NME9: variants seen among roughly 807,000 people sequenced by gnomAD.
NME9 encodes the protein NME/NM23 family member 9.
Under a neutral mutation model 44.4 loss-of-function variants are expected in NME9, and 48 were observed. The ratio of observed to expected loss-of-function variants is 1.08; its 90% CI spans 0.86 to 1.37. The LOEUF (loss-of-function observed/expected upper bound fraction) is 1.37. NME9 is among the 40% of genes most tolerant of loss of function. NME9 has a pLI of 0.00. For missense variants in NME9, 325 were observed against 405.2 expected, an observed-to-expected ratio of 0.80 and a Z score of 1.70; for synonymous variants, 139 against 147.1, an observed-to-expected ratio of 0.94 and a Z score of 0.40.
intron 8 of NME9, among the ~76,000 whole-genome samples, chr3:138,279,369 G>A (rs2049644451): frequency 6.6e-6 from 1 of 151,928 alleles, no homozygotes; most frequent in Admixed American, 6.5e-5. Context: ...AGTTTCAAAT[G>A]TTAAACTAAC....
At chr3:138,290,773 A>C (rs1427935372) in intron 8 of NME9, 2 of 645,492 alleles carry the variant, frequency 3.1e-6, no homozygotes, top group African/African-American at 3.7e-5. Context: ...ATAATTTTCT[A>C]TGAGCCACTG....
intron 8 of NME9, among the ~76,000 whole-genome samples, chr3:138,271,798 C>CTTTCTTTTTTTTT (rs1018824241): frequency 7.3e-6 from 1 of 136,134 alleles, no homozygotes; most frequent in African/African-American, 2.8e-5. Flanking sequence ...TTTTTTCTTT[C>CTTTCTTTTTTTTT]TTTTTTTTTT....
chr3:138,323,588 G>A (rs190208646), intron 2 of NME9, among the ~76,000 whole-genome samples: 1 of 152,156 alleles, frequency 6.6e-6, no homozygotes, highest in African/African-American at 2.4e-5. Flanking sequence ...GGTTCCAGAA[G>A]GATTTCATAT....
intron 3 of NME9, 26 bp from the exon 4 acceptor site, chr3:138,318,245 A>G: frequency 1.3e-6 from 2 of 1,521,318 alleles, no homozygotes; most frequent in Non-Finnish European, 1.8e-6. Context: ...ATCAGCAGGT[A>G]CCCTGGATGC....
chr3:138,278,528 T>G (rs2049539364), intron 8 of NME9, among the ~76,000 whole-genome samples: 1 of 152,108 alleles, frequency 6.6e-6, no homozygotes, highest in African/African-American at 2.4e-5. Context: ...TCTATACATT[T>G]GGTAAATAAA....
chr3:138,284,552 A>G, intron 8 of NME9: 1 of 1,516,498 alleles, frequency 6.6e-7, no homozygotes, highest in South Asian at 1.1e-5. Context: ...CTTTCACCGT[A>G]GGATTAGAAT....
At chr3:138,317,945 G>A (rs570208090) in intron 4 of NME9, among the ~76,000 whole-genome samples, 2 of 152,258 alleles carry the variant, frequency 1.3e-5, no homozygotes, top group African/African-American at 4.8e-5. Flanking sequence ...GTTAGACTTG[G>A]GGGTGGGGGT....
chr3:138,299,250 A>G (rs1008026597), downstream of NME9, among the ~76,000 whole-genome samples: 3 of 152,072 alleles, frequency 2.0e-5, no homozygotes, highest in Non-Finnish European at 4.4e-5. Context: ...TGAGTGGACT[A>G]CTAAGCCACC....
chr3:138,301,043 T>C lies in NME9; in HGVS notation c.*597A>G. ...TTATTGTTGGGGAAACACCATCTCA[T>C]ATAACCCAGTATCCTCTGAGATGAC... On this transcript the variant is annotated 3_prime_UTR_variant, in exon 11 of 11. Coordinates refer to ENST00000333911, the MANE Select transcript of NME9 (RefSeq NM_001349018.2). The C allele has an allele frequency of 1.0e-6, 1 of 973,560 alleles. No individual in the cohort carries two copies. 60.3% of individuals were successfully genotyped at this position (973,560 alleles called of 1,614,324 possible). A position where few individuals can be genotyped will look rare whatever the true frequency, so the allele number is the denominator to read the frequency against.
Position 138,319,535 on chromosome 3 carries a change from C to T in NME9, c.138G>A (p.Val46=). Residue 46 remains valine (V), a synonymous_variant, in exon 3 of 11, where the codon GTG becomes GTA. Transcript: ENST00000333911. The stretch of plus-strand genomic sequence containing the variant: ...CGATCCTCATCTTCTGGAAGAGGCT[C>T]ACCACAGGTTTGCAGGGGCCACACC... ...QGWCGPCKPV[V]SLFQKMRIEV... is the part of the protein sequence containing the mutation. 3.7e-6 allele frequency: 6 copies of T among 1,613,768 alleles called. No homozygotes were observed. Among genetic ancestry groups the T allele is most frequent in the Non-Finnish European group, 5.1e-6 (6 of 1,179,718 alleles).
At chr3:138,269,975 A>G (rs570298125) in intron 8 of NME9, 2 of 1,072,260 alleles carry the variant, frequency 1.9e-6, no homozygotes, top group African/African-American at 1.6e-5. Context: ...GCCAAGGTAT[A>G]TGCATGTTTA....
chr3:138,326,385 C>T (rs1560139289), intron 1 of NME9, among the ~76,000 whole-genome samples: 1 of 152,144 alleles, frequency 6.6e-6, no homozygotes, highest in African/African-American at 2.4e-5. Flanking sequence ...TTGTGGTGAG[C>T]TACTTTGAAA....
chr3:138,301,002 A>G lies in NME9; in HGVS notation c.*638T>C. The G allele has an allele frequency of 2.1e-6, 2 of 953,104 alleles. No individual in the cohort carries two copies. Among genetic ancestry groups the G allele is most frequent in the Non-Finnish European group, 2.5e-6 (2 of 800,514 alleles). The allele number at this position is 953,104 out of a possible 1,614,324, so 59.0% of individuals were successfully genotyped here. A position where few individuals can be genotyped will look rare whatever the true frequency, so the allele number is the denominator to read the frequency against. ...ACCAAATTAAGTTCTAAAATTGTTTAATTCATAAGGTAGATTTATTGTTGG... is the reference window on the plus strand; with the variant it reads ...ACCAAATTAAGTTCTAAAATTGTTTGATTCATAAGGTAGATTTATTGTTGG... On this transcript the variant is annotated 3_prime_UTR_variant, in exon 11 of 11. Coordinates refer to ENST00000333911, the MANE Select transcript of NME9 (RefSeq NM_001349018.2).
Position 138,304,986 on chromosome 3 carries a change from T to C in NME9, c.678A>G (p.Pro226=), listed in dbSNP as rs2052135398. 6.2e-7 allele frequency: 1 copy of C among 1,614,130 alleles called. No individual in the cohort carries two copies. Among genetic ancestry groups the C allele is most frequent in the Non-Finnish European group, 8.5e-7 (1 of 1,179,988 alleles). The change falls in exon 9 of 11, where the codon CCA becomes CCG. Residue 226 remains proline, a synonymous_variant. Coordinates refer to ENST00000333911, the MANE Select transcript of NME9 (RefSeq NM_001349018.2). ...EKLVHHMCSG[P]SHLLILTRTE... The stretch of plus-strand genomic sequence containing the variant: ...TCCTGGTGAGGATCAGGAGGTGGCT[T>C]GGTCCACTGCACATGTGATGTACCA...
chr3:138,277,934 G>A (rs1248975142), intron 8 of NME9, among the ~76,000 whole-genome samples: 1 of 152,196 alleles, frequency 6.6e-6, no homozygotes, highest in South Asian at 2.1e-4. Context: ...GGGACAAACT[G>A]TTGCTGTATG....
intron 8 of NME9, among the ~76,000 whole-genome samples, chr3:138,279,750 G>A (rs575954570): frequency 3.9e-4 from 60 of 152,250 alleles, no homozygotes; most frequent in African/African-American, 1.4e-3. Context: ...TCTGTTTCTT[G>A]TGTGAGCTTT....
chr3:138,281,298 CTT>C (rs747921351), intron 8 of NME9, among the ~76,000 whole-genome samples: 18 of 142,266 alleles, frequency 1.3e-4, no homozygotes, highest in African/African-American at 2.5e-4. Context: ...ATTTCTTTTT[CTT>C]TTTTTTTTTT....
chr3:138,317,567 CT>C (rs985991471), intron 4 of NME9, among the ~76,000 whole-genome samples: 1 of 152,224 alleles, frequency 6.6e-6, no homozygotes, highest in Non-Finnish European at 1.5e-5. Context: ...CACTGGGCCA[CT>C]TGGTTTTCCT....
At chr3:138,327,566 C>T (rs984455038) in intron 1 of NME9, among the ~76,000 whole-genome samples, 6 of 152,276 alleles carry the variant, frequency 3.9e-5, no homozygotes, top group African/African-American at 1.4e-4. Flanking sequence ...ATGTGTGGCA[C>T]CTTTTACCCA....
Sources: allele counts gnomAD v4.1 joint callset (sites outside exome capture counted in the v4.1 genomes callset), GRCh38; gene constraint gnomAD v4.1.1; transcripts MANE v1.5; gene names NCBI Gene and HGNC (gene_info 2026-07-23, HGNC 2026-07-21).